The following SIK3 variants were observed in gnomAD, a reference collection of about 807,000 sequenced individuals.
The protein encoded by SIK3 is serine/threonine-protein kinase SIK3.
A neutral mutation model predicts 144.2 loss-of-function variants in SIK3; 28 were observed. The observed-to-expected ratio is 0.19, with a 90% confidence interval of 0.14 to 0.27. The LOEUF is 0.27. SIK3 is among the 10% of genes least tolerant of loss of function. The pLI is 1.00. For synonymous variants in SIK3, 686 were observed against 676.3 expected (o/e 1.01, Z -0.22); for missense variants, 1,319 against 1,776.0 (o/e 0.74, Z 4.62).
intron 1 of SIK3, among the ~76,000 whole-genome samples, chr11:116,973,231 G>GT (rs1381125310): frequency 6.6e-6 from 1 of 152,186 alleles, no homozygotes; most frequent in East Asian, 1.9e-4. Context: ...TGCTAAATTT[G>GT]TGGCAGGTTG....
chr11:117,054,048 G>A (rs774560556), intron 1 of SIK3, among the ~76,000 whole-genome samples: 2 of 152,108 alleles, frequency 1.3e-5, no homozygotes, highest in Admixed American at 6.6e-5. Flanking sequence ...TAGGACTGTG[G>A]GTATATACCT....
chr11:116,888,306 C>T (rs965692680), intron 6 of SIK3, among the ~76,000 whole-genome samples: 1 of 152,180 alleles, frequency 6.6e-6, no homozygotes, highest in Non-Finnish European at 1.5e-5. Flanking sequence ...CGCTATCTCC[C>T]GTAATACAGC....
intron 1 of SIK3, among the ~76,000 whole-genome samples, chr11:117,085,278 C>T (rs552076046): frequency 4.6e-5 from 7 of 152,066 alleles, no homozygotes; most frequent in South Asian, 2.1e-4. Flanking sequence ...CACCATCCAC[C>T]GCTCACTTAT....
At chr11:116,961,455 C>A (rs1949345208) in intron 1 of SIK3, among the ~76,000 whole-genome samples, 1 of 152,152 alleles carries the variant, frequency 6.6e-6, no homozygotes, top group African/African-American at 2.4e-5. Context: ...TTCACAGCTA[C>A]AGATTACTGA....
intron 1 of SIK3, among the ~76,000 whole-genome samples, chr11:117,078,946 T>G (rs1047850794): frequency 6.6e-6 from 1 of 151,684 alleles, no homozygotes; most frequent in Admixed American, 6.6e-5. Flanking sequence ...GAGAGTTTTT[T>G]AAAAGACACT....
chr11:116,932,122 A>G (rs1056453783), intron 3 of SIK3, among the ~76,000 whole-genome samples: 60 of 152,184 alleles, frequency 3.9e-4, no homozygotes, highest in African/African-American at 1.4e-3. Context: ...AATCATATTC[A>G]GAATCCAACT....
intron 1 of SIK3, among the ~76,000 whole-genome samples, chr11:117,010,080 A>C (rs1167873074): frequency 6.6e-6 from 1 of 151,882 alleles, no homozygotes; most frequent in Non-Finnish European, 1.5e-5. Context: ...CATCAAGGGG[A>C]CGGTGGGAAG....
chr11:117,023,618 A>AT lies in SIK3; in HGVS notation c.274-66555_274-66554insA, dbSNP rs1565568084. ...CAAACAAACAAACAAACAAAAAAAAAAAAATATATATATATATATATATAT... is the reference window on the plus strand; with the variant it reads ...CAAACAAACAAACAAACAAAAAAAAATAAAATATATATATATATATATATAT... On this transcript the variant is annotated intron_variant, in intron 1 of 24. Transcript: ENST00000445177. Among the ~76,000 whole-genome samples the AT allele has an allele frequency of 1.4e-3, 167 of 115,858 alleles. 2 individuals are homozygous for AT. Among genetic ancestry groups the AT allele is most frequent in the African/African-American group, 4.8e-3 (106 of 22,270 alleles). The allele number at this position is 115,858 out of a possible 152,430, so 76.0% of individuals were successfully genotyped here.
chr11:117,056,536 G>GATAGATATAGATATAGATATAGAT (rs56258473), intron 1 of SIK3, among the ~76,000 whole-genome samples: 70 of 138,526 alleles, frequency 5.1e-4, no homozygotes, highest in East Asian at 4.2e-4. Flanking sequence ...AAAATATATA[G>GATAGATATAGATATAGATATAGAT]ATAGATATAG....
At chr11:116,987,325 A>AC (rs1379006291) in intron 1 of SIK3, among the ~76,000 whole-genome samples, 1 of 144,862 alleles carries the variant, frequency 6.9e-6, no homozygotes, top group African/African-American at 2.6e-5. Flanking sequence ...AAAGATTAAA[A>AC]AAAAAAAAAA....
At chr11:117,050,297 C>T (rs1408775418) in intron 1 of SIK3, among the ~76,000 whole-genome samples, 1 of 150,454 alleles carries the variant, frequency 6.6e-6, no homozygotes, top group East Asian at 2.0e-4. Context: ...CACACACACA[C>T]ACACACACAA....
rs1404475654 is a variant in SIK3, at chr11:117,098,419, G to T, written c.-4C>A. The T allele has an allele frequency of 8.7e-7, 1 of 1,150,490 alleles. No individual in the cohort carries two copies. The highest frequency in any genetic ancestry group is 4.8e-5 in the Admixed American group (1 of 20,810). 71.3% of individuals were successfully genotyped at this position (1,150,490 alleles called of 1,614,324 possible). A position where few individuals can be genotyped will look rare whatever the true frequency, so the allele number is the denominator to read the frequency against. On this transcript the variant is annotated 5_prime_UTR_variant, in exon 1 of 25. Transcript: ENST00000445177. The stretch of plus-strand genomic sequence containing the variant: ...CGCTCGCCGCCGCCGCCGCCATCTT[G>T]TTGTGCAGTGAAACCTCCGGGGCCG...
intron 4 of SIK3, among the ~76,000 whole-genome samples, chr11:116,910,254 A>G (rs966359132): frequency 1.3e-5 from 2 of 152,122 alleles, no homozygotes; most frequent in Non-Finnish European, 2.9e-5. Flanking sequence ...ACTAAAAAAA[A>G]TTAGGTTTTC....
chr11:116,862,504 C>T (rs375178734), intron 16 of SIK3, among the ~76,000 whole-genome samples, 177 bp from the exon 17 acceptor site: 14 of 152,224 alleles, frequency 9.2e-5, no homozygotes, highest in Admixed American at 2.6e-4. Flanking sequence ...AATAGATTCA[C>T]ATCCTGTTCT....
Position 116,859,453 on chromosome 11 carries a change from G to A in SIK3, c.2577C>T (p.Val859=), listed in dbSNP as rs752104589. The A allele has an allele frequency of 3.7e-6, 6 of 1,614,236 alleles. No homozygotes were observed. Among genetic ancestry groups the A allele is most frequent in the Non-Finnish European group, 5.1e-6 (6 of 1,180,058 alleles). Residue 859 remains valine, a synonymous_variant, in exon 20 of 25, where the codon GTC becomes GTT. Coordinates refer to ENST00000445177, the MANE Select transcript of SIK3 (RefSeq NM_001366686.3). ...PAQSQQVTIQ[V]QEPVDMLSNM... ...TGCTGAGCATGTCAACAGGCTCTTG[G>A]ACTTGGATGGTGACCTGCTGTGACT...
intron 1 of SIK3, among the ~76,000 whole-genome samples, chr11:117,083,214 G>T (rs1284889911): frequency 1.3e-5 from 2 of 152,162 alleles, no homozygotes; most frequent in East Asian, 1.9e-4. Context: ...TGCCTCAAAA[G>T]AAAGGAGGAA....
At chr11:117,075,613 C>G (rs1243753382) in intron 1 of SIK3, among the ~76,000 whole-genome samples, 2 of 148,646 alleles carry the variant, frequency 1.3e-5, no homozygotes, top group Non-Finnish European at 3.0e-5. Flanking sequence ...ACGATCTCGG[C>G]TCACTGCAAG....
Position 117,035,966 on chromosome 11 carries a change from T to C in SIK3, c.273+62177A>G, listed in dbSNP as rs190627346. ...GCATTTCACATCCATGAAGCAGGAA[T>C]TGGGGCTCTGCACCAGGCGTTTCTT... On this transcript the variant is annotated intron_variant, in intron 1 of 24. Coordinates refer to ENST00000445177, the MANE Select transcript of SIK3 (RefSeq NM_001366686.3). 7,879 of 1,577,536 alleles carry C rather than the reference T, an allele frequency of 5.0e-3. 43 individuals carry two copies. The highest frequency in any genetic ancestry group is 4.7e-3 in the Non-Finnish European group (5,480 of 1,162,250).
intron 1 of SIK3, among the ~76,000 whole-genome samples, chr11:117,081,713 C>T (rs1490445226): frequency 2.0e-5 from 3 of 152,124 alleles, no homozygotes; most frequent in Non-Finnish European, 4.4e-5. Flanking sequence ...GGAGAAAGTA[C>T]AGAATGAGCA....
Sources: allele counts gnomAD v4.1 joint callset (sites outside exome capture counted in the v4.1 genomes callset), GRCh38; gene constraint gnomAD v4.1.1; transcripts MANE v1.5; gene names NCBI Gene and HGNC (gene_info 2026-07-23, HGNC 2026-07-21).